SERPINE2: variants seen among roughly 807,000 people sequenced by gnomAD.
The protein encoded by SERPINE2 is serpin family E member 2.
SERPINE2 carries 14 observed loss-of-function variants against 36.3 expected under a neutral mutation model. The observed-to-expected ratio is 0.39, with a 90% CI of 0.25 to 0.60. The LOEUF is 0.60. Ranked by LOEUF, SERPINE2 falls within the 20% of genes least tolerant of loss-of-function variation. The probability of loss-of-function intolerance (pLI) is 0.57; values close to 1 mark genes in which losing one functional copy is unlikely to be tolerated. For synonymous variants in SERPINE2, 192 were observed against 191.8 expected, an observed-to-expected ratio of 1.00 and a Z score of -0.01; for missense variants, 418 against 499.6, an observed-to-expected ratio of 0.84 and a Z score of 1.56.
intron 4 of SERPINE2, among the ~76,000 whole-genome samples, chr2:223,991,485 C>A (rs1690669767): frequency 6.6e-6 from 1 of 152,170 alleles, no homozygotes; most frequent in South Asian, 2.1e-4. Flanking sequence ...GTGTTTAATG[C>A]TCACTTATAC....
At chr2:224,037,924 G>A (rs1692583757) in intron 1 of SERPINE2, among the ~76,000 whole-genome samples, 1 of 152,136 alleles carries the variant, frequency 6.6e-6, no homozygotes, top group Non-Finnish European at 1.5e-5. Context: ...GGGGTTAAAA[G>A]AAACCTTAGA....
rs372022745 is a variant in SERPINE2, at chr2:223,998,409, T to C, written c.260-67A>G. 35 of 1,289,512 alleles carry C rather than the reference T, an allele frequency of 2.7e-5. 1 individual carries two copies. Among genetic ancestry groups the C allele is most frequent in the African/African-American group, 1.5e-4 (10 of 67,790 alleles). The allele number at this position is 1,289,512 out of a possible 1,614,324, so 79.9% of individuals were successfully genotyped here. ...ATCTAGAAAAGTTTTTAAAATCTTT[T>C]ATGTTGCAGCAAGTAAGAACAGTAT... On this transcript the variant is annotated intron_variant, in intron 2 of 8. Transcript: ENST00000409304.
rs563868370 is a variant in SERPINE2 at position 224,031,384 on chromosome 2, T to C, written c.-23+7715A>G. 4.0e-5 allele frequency: 39 copies of C among 985,460 alleles called. 2 individuals carry two copies. In the South Asian group the frequency reaches 9.9e-4, roughly 25 times the overall value. 61.0% of individuals were successfully genotyped at this position (985,460 alleles called of 1,614,324 possible). A position where few individuals can be genotyped will look rare whatever the true frequency, so the allele number is the denominator to read the frequency against. ...AGGCACGAGGCTCTAGGAGACCACA[T>C]AGAGATTCCGTTGGGGGGAAAACAG... On this transcript the variant is annotated intron_variant, in intron 1 of 8. Transcript: ENST00000409304.
Position 223,984,035 on chromosome 2 carries a change from G to A in SERPINE2, c.884+717C>T, listed in dbSNP as rs1372121318. On this transcript the variant is annotated intron_variant, in intron 5 of 8. Transcript: ENST00000409304. ...ATGTCTTACTCTGATTACTTAACTC[G>A]GTGACCAAAGAATCAAAAGCTATTA... is the stretch of plus-strand genomic sequence containing the variant. Among the ~76,000 whole-genome samples the A allele has an allele frequency of 5.3e-5, 8 of 151,212 alleles. 1 individual carries two copies. Among genetic ancestry groups the A allele is most frequent in the South Asian group, 4.2e-4 (2 of 4,736 alleles).
chr2:224,030,079 G>A (rs1295691632), intron 1 of SERPINE2: 2 of 985,304 alleles, frequency 2.0e-6, no homozygotes, highest in African/African-American at 1.7e-5. Context: ...TACCTGCAAC[G>A]TGTTCCCTGG....
intron 1 of SERPINE2, among the ~76,000 whole-genome samples, chr2:224,016,437 T>C (rs1471221797): frequency 4.7e-5 from 7 of 149,876 alleles, no homozygotes; most frequent in Non-Finnish European, 8.9e-5. Flanking sequence ...ACCCGGGAGA[T>C]GGAGGTTGCA....
At chr2:223,980,651 A>G (rs1459353446) in intron 6 of SERPINE2, 3 of 389,228 alleles carry the variant, frequency 7.7e-6, no homozygotes, top group South Asian at 3.8e-5. Flanking sequence ...TGCCTCTATC[A>G]ATTCAATTCT....
chr2:224,033,535 T>C (rs1012334203), intron 1 of SERPINE2, among the ~76,000 whole-genome samples: 2 of 152,128 alleles, frequency 1.3e-5, no homozygotes, highest in Non-Finnish European at 2.9e-5. Context: ...ATACCCATTA[T>C]ACAGACAAGG....
chr2:224,023,053 T>G (rs1261470208), intron 1 of SERPINE2, among the ~76,000 whole-genome samples: 3 of 152,238 alleles, frequency 2.0e-5, no homozygotes, highest in South Asian at 2.1e-4. Context: ...TGTGAGTCAA[T>G]TAAACCTCTT....
intron 1 of SERPINE2, among the ~76,000 whole-genome samples, chr2:224,028,371 G>T (rs1233953086): frequency 6.6e-6 from 1 of 152,128 alleles, no homozygotes; most frequent in Non-Finnish European, 1.5e-5. Context: ...GAAGTATTTT[G>T]CCTAAAGCCA....
chr2:223,989,766 A>G (rs969190436), intron 4 of SERPINE2, among the ~76,000 whole-genome samples: 1 of 152,194 alleles, frequency 6.6e-6, no homozygotes, highest in South Asian at 2.1e-4. Flanking sequence ...TTGTGAGGGA[A>G]TGAGAACAGG....
At chr2:224,015,258 C>T (rs937711233) in intron 1 of SERPINE2, among the ~76,000 whole-genome samples, 3 of 152,168 alleles carry the variant, frequency 2.0e-5, no homozygotes, top group South Asian at 2.1e-4. Flanking sequence ...TTCATTTTCA[C>T]GTATTTACTT....
intron 1 of SERPINE2, among the ~76,000 whole-genome samples, chr2:224,012,711 T>A (rs1691671456): frequency 6.6e-6 from 1 of 152,214 alleles, no homozygotes; most frequent in Non-Finnish European, 1.5e-5. Flanking sequence ...TTTATTATTC[T>A]GTATACCGTT....
At chr2:224,025,669 G>C (rs1866151) in intron 1 of SERPINE2, among the ~76,000 whole-genome samples, 145,288 of 152,300 alleles carry the variant, frequency 0.95, 69,560 homozygotes, top group Non-Finnish European at 0.99. Flanking sequence ...TGTGAGTTGT[G>C]TAACCATTCT....
intron 1 of SERPINE2, chr2:224,030,821 C>T (rs749306338): frequency 9.9e-6 from 3 of 303,766 alleles, no homozygotes; most frequent in South Asian, 1.3e-4. Flanking sequence ...TTTTATCCAG[C>T]TCAGCTTAAG....
chr2:224,005,075 ATATATATATATAT>A (rs1559209191), intron 1 of SERPINE2, among the ~76,000 whole-genome samples: 3 of 7,992 alleles, frequency 3.8e-4, no homozygotes, highest in African/African-American at 5.2e-4. Context: ...TTATATATAT[ATATATATATATAT>A]ATATATATAA....
intron 1 of SERPINE2, 144 bp downstream of exon 1, chr2:224,038,955 C>T (rs1394652121): frequency 6.4e-6 from 1 of 156,714 alleles, no homozygotes; most frequent in East Asian, 1.8e-4. Context: ...GACGTCGGCG[C>T]CCCAGGGTCC....
chr2:224,001,985 T>C (rs533360999), intron 1 of SERPINE2, 63 bp from the exon 2 acceptor site: 1 of 1,415,406 alleles, frequency 7.1e-7, no homozygotes, highest in East Asian at 2.5e-5. Context: ...TACTTTTTTT[T>C]TTTTTCCCCC....
intron 4 of SERPINE2, among the ~76,000 whole-genome samples, chr2:223,989,025 A>G (rs992705597): frequency 5.3e-5 from 8 of 152,188 alleles, no homozygotes; most frequent in African/African-American, 1.9e-4. Context: ...TTAATAGGGA[A>G]TTTTATCCTA....
Sources: gnomAD v4.1 joint callset for allele counts (sites outside exome capture counted in the v4.1 genomes callset) on GRCh38, gnomAD v4.1.1 for gene constraint, MANE v1.5 for transcripts, NCBI Gene and HGNC (gene_info 2026-07-23, HGNC 2026-07-21) for gene names.